Variants in LARP4B observed in about 807,000 individuals in gnomAD.
The protein encoded by LARP4B is la-related protein 4B.
A neutral mutation model predicts 89.8 loss-of-function variants in LARP4B; 12 were observed. The ratio of observed to expected loss-of-function variants is 0.13; its 90% CI spans 0.09 to 0.22. LARP4B has a LOEUF of 0.22. LARP4B is among the 10% of genes least tolerant of loss of function. The probability of loss-of-function intolerance (pLI) is 1.00; values close to 1 mark genes in which losing one functional copy is unlikely to be tolerated. For missense variants in LARP4B, 757 were observed against 947.7 expected (o/e 0.80, Z 2.64); for synonymous variants, 367 against 363.3 (o/e 1.01, Z -0.12).
the LARP4B span, among the ~76,000 whole-genome samples, chr10:961,874 G>GA: frequency 6.6e-6 from 1 of 152,294 alleles, no homozygotes; most frequent in South Asian, 2.1e-4. Flanking sequence ...CAACACTGGG[G>GA]ATCATATTTC....
chr10:962,811 A>G, the LARP4B span, among the ~76,000 whole-genome samples: 1 of 151,940 alleles, frequency 6.6e-6, no homozygotes, highest in Admixed American at 6.6e-5. Context: ...AAAGCCAGGG[A>G]CCTCCCTCAG....
At chr10:952,339 CAAAAAAAAAAAAAA>C in the LARP4B span, among the ~76,000 whole-genome samples, 2 of 16,952 alleles carry the variant, frequency 1.2e-4, no homozygotes, top group African/African-American at 2.8e-4. Flanking sequence ...GACTCCATCT[CAAAAAAAAAAAAAA>C]AAAAAAAAAA....
chr10:827,280 A>G (rs1490317429), intron 11 of LARP4B, among the ~76,000 whole-genome samples: 1 of 119,528 alleles, frequency 8.4e-6, no homozygotes, highest in Non-Finnish European at 2.0e-5. Flanking sequence ...TGTCTCAAAG[A>G]AAAAGAAAAT....
At chr10:861,761 C>T (rs1240099427) in intron 5 of LARP4B, among the ~76,000 whole-genome samples, 2 of 152,170 alleles carry the variant, frequency 1.3e-5, no homozygotes, top group East Asian at 3.8e-4. Flanking sequence ...ATCTGTCTAC[C>T]TCCTATCTAT....
chr10:848,015 C>T (rs1833862187), intron 5 of LARP4B, among the ~76,000 whole-genome samples: 1 of 152,204 alleles, frequency 6.6e-6, no homozygotes. Context: ...CTCCAGAGAA[C>T]CACAGGGCCC....
intron 1 of LARP4B, among the ~76,000 whole-genome samples, chr10:889,172 T>C (rs1835946319): frequency 1.7e-5 from 2 of 120,816 alleles, no homozygotes; most frequent in East Asian, 1.9e-4. Context: ...GCAGGCTCAC[T>C]GAGCACTATT....
chr10:855,229 A>G (rs1834243779), intron 5 of LARP4B, among the ~76,000 whole-genome samples: 1 of 152,192 alleles, frequency 6.6e-6, no homozygotes, highest in Admixed American at 6.5e-5. Context: ...CTGGAGGGGC[A>G]CTTAATTTCC....
At chr10:824,926 T>G (rs1198534853) in intron 13 of LARP4B, 139 bp downstream of exon 13, 5 of 834,688 alleles carry the variant, frequency 6.0e-6, no homozygotes, top group Non-Finnish European at 8.7e-6. Context: ...GTCTTAGCAA[T>G]TATATAAAAC....
intron 8 of LARP4B, among the ~76,000 whole-genome samples, chr10:833,217 A>G (rs1832998377): frequency 6.7e-6 from 1 of 149,640 alleles, no homozygotes; most frequent in Non-Finnish European, 1.5e-5. Flanking sequence ...CACACATAAA[A>G]TACACTAACA....
At chr10:937,093 A>G in the LARP4B span, among the ~76,000 whole-genome samples, 26,273 of 152,100 alleles carry the variant, frequency 0.17, 2,576 homozygotes, top group Non-Finnish European at 0.23. Flanking sequence ...CCCAGGCTGG[A>G]GTGCAGTGGC....
chr10:905,033 A>G (rs774109275), intron 1 of LARP4B, among the ~76,000 whole-genome samples: 1 of 152,258 alleles, frequency 6.6e-6, no homozygotes, highest in Non-Finnish European at 1.5e-5. Context: ...AGGTGTATAC[A>G]AAACAATTCT....
downstream of LARP4B, chr10:808,796 T>G (rs1210557653): frequency 6.6e-6 from 1 of 151,678 alleles, no homozygotes; most frequent in African/African-American, 2.4e-5. Context: ...CTATTAACTT[T>G]ATGACCCTGG....
At chr10:970,138 T>C in the LARP4B span, among the ~76,000 whole-genome samples, 18 of 152,308 alleles carry the variant, frequency 1.2e-4, no homozygotes, top group East Asian at 3.5e-3. Flanking sequence ...TGAATGGAAA[T>C]TGACTTAAAG....
the LARP4B span, among the ~76,000 whole-genome samples, chr10:955,452 C>T: frequency 6.6e-6 from 1 of 152,212 alleles, no homozygotes; most frequent in Non-Finnish European, 1.5e-5. The surrounding 1 kb of genome is among the most constrained non-coding windows in gnomAD (Gnocchi z 5.2). Context: ...TCTGTGCTTC[C>T]TGAGATGACT....
chr10:818,356 ACTCT>A (rs1162995956), intron 14 of LARP4B: 1 of 152,538 alleles, frequency 6.6e-6, no homozygotes, highest in African/African-American at 2.4e-5. Flanking sequence ...AAAATATGAC[ACTCT>A]CTCCACAACC....
intron 1 of LARP4B, among the ~76,000 whole-genome samples, chr10:915,206 G>A (rs1399388416): frequency 6.6e-6 from 1 of 151,718 alleles, no homozygotes; most frequent in African/African-American, 2.4e-5. Flanking sequence ...GATCACTTGA[G>A]CCCAGGAGTT....
chr10:816,923 A>G (rs576752991), intron 15 of LARP4B, among the ~76,000 whole-genome samples: 4 of 152,164 alleles, frequency 2.6e-5, no homozygotes, highest in African/African-American at 7.2e-5. Flanking sequence ...CTGACTCTGC[A>G]GACCTGGGTG....
rs557673381 is a variant in LARP4B at position 812,195 on chromosome 10, T to G, written c.*731A>C. On this transcript the variant is annotated 3_prime_UTR_variant, in exon 18 of 18. Coordinates refer to ENST00000316157, the MANE Select transcript of LARP4B (RefSeq NM_015155.3). The stretch of plus-strand genomic sequence containing the variant: ...GTGGGCAACAAAGTGTATGTTTTCA[T>G]GTAGGTTCTATTCACAATGTGCTTT... The G allele has an allele frequency of 1.0e-3, 160 of 152,820 alleles. 1 individual carries two copies. The highest frequency in any genetic ancestry group is 1.8e-3 in the Admixed American group (27 of 15,304). 9.5% of individuals were successfully genotyped at this position (152,820 alleles called of 1,614,324 possible).
intron 1 of LARP4B, among the ~76,000 whole-genome samples, chr10:894,301 AG>A (rs775038718): frequency 1.1e-4 from 16 of 152,246 alleles, no homozygotes; most frequent in Non-Finnish European, 2.2e-4. Flanking sequence ...CCCAATTTAA[AG>A]GGAATTCTAG....
Sources: allele counts gnomAD v4.1 joint callset (sites outside exome capture counted in the v4.1 genomes callset), GRCh38; gene constraint gnomAD v4.1.1; non-coding constraint Gnocchi (gnomAD v3.1); transcripts MANE v1.5; gene names NCBI Gene and HGNC (gene_info 2026-07-23, HGNC 2026-07-21).